Variants in TAFA1 observed in about 807,000 individuals in gnomAD.
The protein encoded by TAFA1 is TAFA chemokine like family member 1, also known as chemokine-like protein TAFA-1.
A neutral mutation model predicts 18.5 loss-of-function variants in TAFA1; 4 were observed. That is an observed-to-expected ratio of 0.22 (90% CI 0.11 to 0.49). TAFA1 has a LOEUF of 0.49. Among genes scored for constraint, TAFA1 ranks in the 20% least tolerant of loss-of-function variants. The probability of loss-of-function intolerance (pLI) is 0.98; values close to 1 mark genes in which losing one functional copy is unlikely to be tolerated. For missense variants in TAFA1, 147 were observed against 169.0 expected (o/e 0.87, Z 0.72); for synonymous variants, 56 against 55.2 (o/e 1.01, Z -0.06).
At chr3:68,014,818 A>G (rs2106784456) in intron 2 of TAFA1, among the ~76,000 whole-genome samples, 1 of 152,282 alleles carries the variant, frequency 6.6e-6, no homozygotes, top group South Asian at 2.1e-4. Flanking sequence ...TTGTTCAGAT[A>G]TTAGGAAATG....
intron 2 of TAFA1, chr3:68,145,220 G>C (rs1329792044): frequency 2.5e-6 from 2 of 794,758 alleles, no homozygotes; most frequent in Admixed American, 3.4e-5. Flanking sequence ...TGAACTTGGG[G>C]GAATTTGGTC....
chr3:68,530,694 C>T (rs182421914), intron 3 of TAFA1, among the ~76,000 whole-genome samples: 6 of 152,048 alleles, frequency 3.9e-5, no homozygotes, highest in African/African-American at 9.6e-5. Context: ...CTCATGGCTT[C>T]GAAAATGGTT....
chr3:68,069,651 C>G (rs2064727052), intron 2 of TAFA1, among the ~76,000 whole-genome samples: 1 of 152,164 alleles, frequency 6.6e-6, no homozygotes, highest in Non-Finnish European at 1.5e-5. Context: ...TCATCTGAGA[C>G]AAGGCAAGTC....
intron 2 of TAFA1, among the ~76,000 whole-genome samples, chr3:68,379,228 T>C (rs1465076245): frequency 1.3e-5 from 2 of 152,196 alleles, no homozygotes; most frequent in Non-Finnish European, 2.9e-5. Context: ...TGGTATTTCA[T>C]GGTTTTCATT....
At chr3:68,304,408 G>A (rs1019328537) in intron 2 of TAFA1, among the ~76,000 whole-genome samples, 1 of 152,114 alleles carries the variant, frequency 6.6e-6, no homozygotes, top group African/African-American at 2.4e-5. Context: ...TACCTTTCTA[G>A]TATGGCTATA....
intron 2 of TAFA1, among the ~76,000 whole-genome samples, chr3:68,180,181 C>A (rs2106982644): frequency 8.1e-6 from 1 of 123,406 alleles, no homozygotes; most frequent in East Asian, 2.4e-4. Context: ...TACAGGTGTG[C>A]ACCACCACAC....
At chr3:68,322,574 G>A (rs554104229) in intron 2 of TAFA1, among the ~76,000 whole-genome samples, 1 of 152,280 alleles carries the variant, frequency 6.6e-6, no homozygotes, top group South Asian at 2.1e-4. Context: ...GCTCATATCT[G>A]TAATTCCAGC....
chr3:68,200,763 G>A (rs1313583438), intron 2 of TAFA1, among the ~76,000 whole-genome samples: 1 of 151,102 alleles, frequency 6.6e-6, no homozygotes, highest in Non-Finnish European at 1.5e-5. Context: ...AATTAGCCTG[G>A]CTAGAGGATT....
intron 2 of TAFA1, among the ~76,000 whole-genome samples, chr3:68,266,725 A>G (rs1019804625): frequency 2.0e-5 from 3 of 152,164 alleles, no homozygotes; most frequent in Non-Finnish European, 2.9e-5. Flanking sequence ...TGCTTGGCAC[A>G]TAGTGAGGAT....
intron 2 of TAFA1, among the ~76,000 whole-genome samples, chr3:68,260,438 T>C (rs866796494): frequency 6.6e-6 from 1 of 152,140 alleles, no homozygotes; most frequent in Non-Finnish European, 1.5e-5. Flanking sequence ...GGTATCAGGA[T>C]GATGCTGGCC....
chr3:68,159,132 C>T (rs1275343030), intron 2 of TAFA1, among the ~76,000 whole-genome samples: 2 of 152,144 alleles, frequency 1.3e-5, no homozygotes, highest in Admixed American at 1.3e-4. Context: ...TGACAGACAG[C>T]AGGAAAGCCA....
At chr3:68,506,229 T>C (rs895686053) in intron 3 of TAFA1, among the ~76,000 whole-genome samples, 1 of 152,182 alleles carries the variant, frequency 6.6e-6, no homozygotes. Context: ...TCATCCTTTT[T>C]ATAGCTGCAT....
intron 2 of TAFA1, among the ~76,000 whole-genome samples, chr3:68,088,365 G>A (rs1036856092): frequency 7.9e-5 from 12 of 152,022 alleles, no homozygotes; most frequent in Non-Finnish European, 1.3e-4. Flanking sequence ...AGAGGTTTCC[G>A]CTCAGAGCAA....
chr3:68,411,112 C>A (rs944799945), intron 2 of TAFA1, among the ~76,000 whole-genome samples: 2 of 152,050 alleles, frequency 1.3e-5, no homozygotes, highest in Non-Finnish European at 2.9e-5. Flanking sequence ...TAAGTAAAAC[C>A]TTTTTGTCTG....
intron 2 of TAFA1, among the ~76,000 whole-genome samples, chr3:68,065,325 A>G (rs1437369618): frequency 1.3e-5 from 2 of 152,076 alleles, no homozygotes; most frequent in African/African-American, 4.8e-5. Flanking sequence ...TTTTTATCTG[A>G]TCACATAAAT....
intron 2 of TAFA1, among the ~76,000 whole-genome samples, chr3:68,244,317 A>G (rs1355106530): frequency 1.3e-5 from 2 of 152,168 alleles, no homozygotes; most frequent in African/African-American, 4.8e-5. Flanking sequence ...TTTGATGTCT[A>G]AGGACTCTTT....
intron 2 of TAFA1, chr3:68,145,209 C>CCCCCAAG: frequency 1.2e-6 from 1 of 801,914 alleles, no homozygotes; most frequent in Non-Finnish European, 2.3e-6. Flanking sequence ...TCTGCAAATT[C>CCCCCAAG]TGAACTTGGG....
In TAFA1 at chr3:68,006,644, G is replaced by A. The variant is rs1472073804; in HGVS notation, c.18G>A (p.Ala6=). MAMVS[A]MSWVLYLWIS... is the part of the protein sequence containing the mutation. ...TTTAGAGAATGGCAATGGTCTCTGC[G>A]ATGTCCTGGGTCCTGTATTTGTGGA... Residue 6 remains alanine, a synonymous_variant, in exon 2 of 5, where the codon GCG becomes GCA. Coordinates refer to ENST00000478136, the MANE Select transcript of TAFA1 (RefSeq NM_213609.4). The A allele has an allele frequency of 5.0e-6, 8 of 1,613,552 alleles. No individual in the cohort carries two copies. The highest frequency in any genetic ancestry group is 2.7e-5 in the African/African-American group (2 of 74,926).
chr3:68,465,190 A>G (rs563966907), intron 3 of TAFA1, among the ~76,000 whole-genome samples: 3 of 152,304 alleles, frequency 2.0e-5, no homozygotes, highest in African/African-American at 4.8e-5. Flanking sequence ...ACCTCTTGAT[A>G]AAAATAGAGA....
Sources: allele counts gnomAD v4.1 joint callset (sites outside exome capture counted in the v4.1 genomes callset), GRCh38; gene constraint gnomAD v4.1.1; transcripts MANE v1.5; gene names NCBI Gene and HGNC (gene_info 2026-07-23, HGNC 2026-07-21).